IQSEC2: variants seen among roughly 807,000 people sequenced by gnomAD.
IQSEC2 encodes the protein IQ motif and SEC7 domain-containing protein 2.
In IQSEC2, 6 loss-of-function variants were observed where a neutral mutation model predicts 74.6. That is an observed-to-expected ratio of 0.08 (90% CI 0.04 to 0.16). The LOEUF is 0.16. Among genes scored for constraint, IQSEC2 ranks in the 10% least tolerant of loss-of-function variants. The pLI is 1.00. For missense variants in IQSEC2, 734 were observed against 1,306.2 expected (o/e 0.56, Z 6.75); for synonymous variants, 494 against 544.5 (o/e 0.91, Z 1.29).
At chrX:53,281,996 G>A (rs1408694442) in intron 2 of IQSEC2, among the ~76,000 whole-genome samples, 1 of 112,335 alleles carries the variant, frequency 8.9e-6, no homozygotes, top group Non-Finnish European at 1.9e-5. Flanking sequence ...CCTTTCCATA[G>A]AAGCTTTTCA....
chrX:53,289,191 A>C (rs1257525565), intron 2 of IQSEC2, among the ~76,000 whole-genome samples: 1 of 111,556 alleles, frequency 9.0e-6, no homozygotes, highest in Non-Finnish European at 1.9e-5. Context: ...GAAGTTTATT[A>C]GATGAGGAAA....
intron 2 of IQSEC2, among the ~76,000 whole-genome samples, chrX:53,277,905 AG>A (rs1168105287): frequency 2.8e-5 from 3 of 109,058 alleles, no homozygotes; most frequent in African/African-American, 1.0e-4. Flanking sequence ...TCCTGACCTC[AG>A]GTGATCCACC....
At chrX:53,316,994 G>A (rs782389396) in intron 1 of IQSEC2, among the ~76,000 whole-genome samples, 2 of 110,936 alleles carry the variant, frequency 1.8e-5, no homozygotes, top group African/African-American at 6.6e-5. Flanking sequence ...CAGCAGAGCC[G>A]GAGCTGGGCC....
At chrX:53,242,728 G>A (rs1048325508) in intron 9 of IQSEC2, among the ~76,000 whole-genome samples, 1 of 110,317 alleles carries the variant, frequency 9.1e-6, no homozygotes, top group African/African-American at 3.3e-5. Context: ...TGGCTAAAGC[G>A]TTTTCTTTTT....
At chrX:53,314,446 G>A (rs781945976) in intron 1 of IQSEC2, among the ~76,000 whole-genome samples, 2 of 111,536 alleles carry the variant, frequency 1.8e-5, no homozygotes. Context: ...CAACCATGAA[G>A]GAATAAAAAG....
chrX:53,260,818 T>C (rs1023653522), intron 2 of IQSEC2, among the ~76,000 whole-genome samples: 1 of 111,751 alleles, frequency 8.9e-6, no homozygotes, highest in East Asian at 2.8e-4. Flanking sequence ...ATGAAGACAC[T>C]GAGGCTCAGA....
At chrX:53,269,045 A>G (rs2074701412) in intron 2 of IQSEC2, among the ~76,000 whole-genome samples, 1 of 112,294 alleles carries the variant, frequency 8.9e-6, no homozygotes, top group South Asian at 3.7e-4. Context: ...ACTGATGCCC[A>G]GCCTTCATCA....
At chrX:53,279,300 A>T (rs1339122245) in intron 2 of IQSEC2, 24 of 300,924 alleles carry the variant, frequency 8.0e-5, no homozygotes, top group Non-Finnish European at 1.0e-4. Context: ...AAAAAGCTGG[A>T]TTATCACATA....
intron 2 of IQSEC2, among the ~76,000 whole-genome samples, chrX:53,289,441 G>A (rs782540836): frequency 5.4e-5 from 6 of 110,536 alleles, no homozygotes; most frequent in East Asian, 5.7e-4. Context: ...TTAGCCCCAC[G>A]GATGGCTCCC....
At chrX:53,238,038 T>C (rs782542535) in intron 12 of IQSEC2, 107 bp downstream of exon 12, 1 of 916,472 alleles carries the variant, frequency 1.1e-6, no homozygotes, top group Admixed American at 2.6e-5. Context: ...GATGGGAAGG[T>C]TGGACAAGCT....
chrX:53,252,413 T>C (rs2074405237), intron 4 of IQSEC2, among the ~76,000 whole-genome samples: 1 of 110,598 alleles, frequency 9.0e-6, no homozygotes, highest in African/African-American at 3.3e-5. Context: ...TTTTTAAAAA[T>C]TTAAAACATT....
chrX:53,273,940 T>C (rs1207583069), intron 2 of IQSEC2, among the ~76,000 whole-genome samples: 2 of 112,766 alleles, frequency 1.8e-5, no homozygotes, highest in African/African-American at 6.4e-5. Flanking sequence ...AGGTTAAGAT[T>C]CTTAAAAGTT....
chrX:53,248,837 C>G lies in IQSEC2; in HGVS notation c.2343G>C (p.Leu781=). 1 of 1,211,359 alleles carries G rather than the reference C, an allele frequency of 8.3e-7. No individual in the cohort carries two copies. The highest frequency in any genetic ancestry group is 1.1e-6 in the Non-Finnish European group (1 of 895,287). The change falls in exon 6 of 15, where the codon CTG becomes CTC. Residue 781 remains leucine, a synonymous_variant. Coordinates refer to ENST00000642864, the MANE Select transcript of IQSEC2 (RefSeq NM_001111125.3). The part of the protein sequence containing the change: ...GIQYLIERGF[L]SDTPVGVAHF... The stretch of plus-strand genomic sequence containing the variant: ...GAGCCACTCCCACCGGTGTGTCTGA[C>G]AGGAAGCCCCGCTCGATCAGATACT...
chrX:53,247,201 C>T (rs1556862246), intron 7 of IQSEC2, 66 bp from the exon 8 acceptor site: 1 of 1,059,721 alleles, frequency 9.4e-7, no homozygotes, highest in Non-Finnish European at 1.3e-6. Context: ...CACCATCCAC[C>T]CAGTCTGGCA....
chrX:53,253,264 T>A (rs2074418023), intron 4 of IQSEC2, among the ~76,000 whole-genome samples: 2 of 112,505 alleles, frequency 1.8e-5, no homozygotes, highest in South Asian at 7.4e-4. Context: ...TTCATATATA[T>A]TACCTGTATA....
chrX:53,284,747 C>A (rs1263481813), intron 2 of IQSEC2, among the ~76,000 whole-genome samples: 2 of 112,067 alleles, frequency 1.8e-5, no homozygotes, highest in African/African-American at 6.5e-5. Flanking sequence ...CAGCACCGGG[C>A]ACCTGGTCAC....
intron 3 of IQSEC2, among the ~76,000 whole-genome samples, chrX:53,255,581 C>A (rs782030923): frequency 9.0e-6 from 1 of 111,318 alleles, no homozygotes; most frequent in Non-Finnish European, 1.9e-5. Context: ...AGGACCCGGG[C>A]AGGGAGCTCA....
At chrX:53,241,313 C>G (rs2074218295) in intron 10 of IQSEC2, among the ~76,000 whole-genome samples, 1 of 110,328 alleles carries the variant, frequency 9.1e-6, no homozygotes, top group African/African-American at 3.3e-5. Flanking sequence ...GACATGTTGC[C>G]CAAGCTGGTC....
At chrX:53,229,168 T>C (rs898589185), downstream of IQSEC2, 5 of 111,982 alleles carry the variant, frequency 4.5e-5, no homozygotes, top group Admixed American at 4.7e-4. Flanking sequence ...TGTCATTCTC[T>C]ACTAAAAAGA....
Sources: gnomAD v4.1 joint callset for allele counts (sites outside exome capture counted in the v4.1 genomes callset) on GRCh38, gnomAD v4.1.1 for gene constraint, MANE v1.5 for transcripts, NCBI Gene and HGNC (gene_info 2026-07-23, HGNC 2026-07-21) for gene names.